SLC2A13: variants seen among roughly 807,000 people sequenced by gnomAD.
SLC2A13 encodes the protein proton myo-inositol cotransporter.
A neutral mutation model predicts 64.4 loss-of-function variants in SLC2A13; 32 were observed. The ratio of observed to expected loss-of-function variants is 0.50; its 90% CI spans 0.37 to 0.67. SLC2A13 has a LOEUF of 0.67. Ranked by LOEUF, SLC2A13 falls within the 30% of genes least tolerant of loss-of-function variation. The pLI is 0.00. For missense variants in SLC2A13, 743 were observed against 829.2 expected (o/e 0.90, Z 1.28); for synonymous variants, 338 against 327.1 (o/e 1.03, Z -0.36).
At chr12:40,012,465 T>C (rs1367159788) in intron 3 of SLC2A13, among the ~76,000 whole-genome samples, 1 of 152,180 alleles carries the variant, frequency 6.6e-6, no homozygotes, top group Non-Finnish European at 1.5e-5. Context: ...ACTGGAAGTG[T>C]TTCCAGAAAG....
intron 4 of SLC2A13, among the ~76,000 whole-genome samples, chr12:39,893,877 C>T (rs577887590): frequency 6.6e-6 from 1 of 152,206 alleles, no homozygotes; most frequent in Admixed American, 6.5e-5. Flanking sequence ...AATTCACAAT[C>T]CATATGAAAT....
At chr12:39,787,862 G>A (rs1042894317) in intron 7 of SLC2A13, among the ~76,000 whole-genome samples, 1 of 152,132 alleles carries the variant, frequency 6.6e-6, no homozygotes, top group Non-Finnish European at 1.5e-5. Flanking sequence ...ATTCACTTCT[G>A]TTTGCTAGCC....
intron 3 of SLC2A13, among the ~76,000 whole-genome samples, chr12:40,010,394 C>G (rs886268894): frequency 3.3e-5 from 5 of 152,008 alleles, no homozygotes; most frequent in Non-Finnish European, 7.4e-5. Flanking sequence ...TTTTATCACC[C>G]TAAAATATAT....
chr12:40,026,723 A>T (rs1947815309), intron 3 of SLC2A13, among the ~76,000 whole-genome samples: 1 of 152,220 alleles, frequency 6.6e-6, no homozygotes, highest in South Asian at 2.1e-4. Flanking sequence ...TCTTACTCTG[A>T]AAAGTTTTTC....
At chr12:40,089,959 C>G (rs1938707850) in intron 1 of SLC2A13, among the ~76,000 whole-genome samples, 1 of 152,100 alleles carries the variant, frequency 6.6e-6, no homozygotes, top group Admixed American at 6.6e-5. Context: ...GCCCACTTTT[C>G]AACACTGACA....
chr12:39,771,633 C>T (rs574287811), intron 7 of SLC2A13, among the ~76,000 whole-genome samples: 1 of 152,106 alleles, frequency 6.6e-6, no homozygotes, highest in Middle Eastern at 3.2e-3. Context: ...ATTCCTGACC[C>T]ACAGGAAGTG....
intron 4 of SLC2A13, among the ~76,000 whole-genome samples, chr12:39,941,447 T>G (rs1250718213): frequency 6.6e-6 from 1 of 152,210 alleles, no homozygotes. Flanking sequence ...GTTTTTTGAT[T>G]TTTTGATCAT....
intron 3 of SLC2A13, among the ~76,000 whole-genome samples, chr12:39,994,859 A>G (rs1947201246): frequency 6.6e-6 from 1 of 152,272 alleles, no homozygotes; most frequent in African/African-American, 2.4e-5. Context: ...CAAATAGCAC[A>G]GAACTGTGTA....
At chr12:39,783,934 GACAA>G (rs1357131537) in intron 7 of SLC2A13, among the ~76,000 whole-genome samples, 4 of 152,118 alleles carry the variant, frequency 2.6e-5, no homozygotes, top group Non-Finnish European at 5.9e-5. Flanking sequence ...ACAAATAACA[GACAA>G]ACAGAGAGCC....
chr12:39,809,125 C>T (rs896173143), intron 7 of SLC2A13, among the ~76,000 whole-genome samples: 6 of 152,086 alleles, frequency 3.9e-5, no homozygotes, highest in South Asian at 2.1e-4. Context: ...CACCTTCACC[C>T]GCAATGTAGA....
intron 4 of SLC2A13, among the ~76,000 whole-genome samples, chr12:39,898,356 T>C (rs1944983464): frequency 6.6e-6 from 1 of 152,124 alleles, no homozygotes; most frequent in Non-Finnish European, 1.5e-5. Flanking sequence ...ATGAATATGA[T>C]ACAATGGGAA....
intron 2 of SLC2A13, among the ~76,000 whole-genome samples, chr12:40,040,983 T>C (rs1948076653): frequency 6.6e-6 from 1 of 152,064 alleles, no homozygotes; most frequent in African/African-American, 2.4e-5. Context: ...AGATGGAGTC[T>C]AGCTGTGTCA....
chr12:39,941,659 G>C (rs1189902081), intron 4 of SLC2A13, among the ~76,000 whole-genome samples: 1 of 152,052 alleles, frequency 6.6e-6, no homozygotes, highest in African/African-American at 2.4e-5. Context: ...TGTGGATTCT[G>C]GATATTAGTC....
chr12:39,770,811 C>G (rs1940536769), intron 7 of SLC2A13, among the ~76,000 whole-genome samples: 1 of 152,120 alleles, frequency 6.6e-6, no homozygotes, highest in Non-Finnish European at 1.5e-5. Flanking sequence ...ATCCACTTCT[C>G]TTAGGTCCTT....
At chr12:40,043,482 A>G (rs1948126935) in intron 2 of SLC2A13, among the ~76,000 whole-genome samples, 1 of 151,754 alleles carries the variant, frequency 6.6e-6, no homozygotes, top group South Asian at 2.1e-4. Flanking sequence ...ATAAAAATAA[A>G]CTATATATAT....
intron 6 of SLC2A13, among the ~76,000 whole-genome samples, chr12:39,836,087 G>A (rs1489595754): frequency 6.6e-6 from 1 of 152,060 alleles, no homozygotes; most frequent in East Asian, 1.9e-4. Flanking sequence ...GAAAGAAAGA[G>A]CTCTCTTTGA....
chr12:39,935,052 T>C (rs777440459), intron 4 of SLC2A13, among the ~76,000 whole-genome samples: 1 of 152,200 alleles, frequency 6.6e-6, no homozygotes, highest in Non-Finnish European at 1.5e-5. Context: ...GAAAGAGATA[T>C]GACTTGAAGA....
At position 39,758,065 on chromosome 12, in the gene SLC2A13, A is replaced by G. The variant is rs927382037; in HGVS notation, c.*1961T>C. 1.3e-5 allele frequency: 2 copies of G among 151,708 alleles called. No individual in the cohort carries two copies. The highest frequency in any genetic ancestry group is 3.0e-5 in the Non-Finnish European group (2 of 67,722). The allele number at this position is 151,708 out of a possible 1,614,324, so 9.4% of individuals were successfully genotyped here. A position where few individuals can be genotyped will look rare whatever the true frequency, so the allele number is the denominator to read the frequency against. On this transcript the variant is annotated 3_prime_UTR_variant, in exon 10 of 10. Coordinates refer to ENST00000280871, the MANE Select transcript of SLC2A13 (RefSeq NM_052885.4). ...TGAGATAAGAAATATCAATAGAATA[A>G]TAATTTTCCCTATTAAATCATATCT...
chr12:39,898,815 TG>T, intron 4 of SLC2A13, among the ~76,000 whole-genome samples: 1 of 152,270 alleles, frequency 6.6e-6, no homozygotes, highest in South Asian at 2.1e-4. Flanking sequence ...AATGTGCAAA[TG>T]GGGTAACTTC....
Sources: gnomAD v4.1 joint callset for allele counts (sites outside exome capture counted in the v4.1 genomes callset) on GRCh38, gnomAD v4.1.1 for gene constraint, MANE v1.5 for transcripts, NCBI Gene and HGNC (gene_info 2026-07-23, HGNC 2026-07-21) for gene names.